Variants in UNC80 observed in about 807,000 individuals in gnomAD.
UNC80 encodes protein unc-80 homolog.
Under a neutral mutation model 384.6 loss-of-function variants are expected in UNC80, and 164 were observed. The observed-to-expected ratio is 0.43, with a 90% CI of 0.38 to 0.49. The LOEUF is 0.49. Among genes scored for constraint, UNC80 ranks in the 20% least tolerant of loss-of-function variants. The probability of loss-of-function intolerance (pLI) is 0.00; values close to 1 mark genes in which losing one functional copy is unlikely to be tolerated. For missense variants in UNC80, 3,330 were observed against 4,143.0 expected (o/e 0.80, Z 5.39); for synonymous variants, 1,486 against 1,527.8 (o/e 0.97, Z 0.64).
At chr2:209,942,709 A>AT (rs111313881) in intron 44 of UNC80, among the ~76,000 whole-genome samples, 47 of 149,284 alleles carry the variant, frequency 3.1e-4, no homozygotes, top group Admixed American at 8.0e-4. Flanking sequence ...TTTAGTAAGT[A>AT]TTTTTTTTTT....
At chr2:209,867,564 C>CT (rs1292228764) in intron 22 of UNC80, among the ~76,000 whole-genome samples, 1 of 152,096 alleles carries the variant, frequency 6.6e-6, no homozygotes, top group Admixed American at 6.5e-5. Flanking sequence ...AAACCAACTT[C>CT]TTTGGGGCAG....
intron 33 of UNC80, among the ~76,000 whole-genome samples, chr2:209,921,282 A>G (rs1407087627): frequency 6.6e-6 from 1 of 152,228 alleles, no homozygotes; most frequent in African/African-American, 2.4e-5. Context: ...TTATGTGTTC[A>G]TGAAGAATCA....
chr2:209,974,918 T>A (rs1575192208), intron 56 of UNC80, among the ~76,000 whole-genome samples: 1 of 152,144 alleles, frequency 6.6e-6, no homozygotes, highest in Non-Finnish European at 1.5e-5. Context: ...AAGAGGAGTG[T>A]TGTTTTTTAT....
chr2:209,846,569 T>A (rs937489295), intron 21 of UNC80, among the ~76,000 whole-genome samples: 3 of 152,014 alleles, frequency 2.0e-5, no homozygotes, highest in Non-Finnish European at 4.4e-5. Context: ...AAAAATAATA[T>A]TAAAAAACAA....
chr2:209,930,686 G>A (rs567027086), intron 37 of UNC80, among the ~76,000 whole-genome samples: 1 of 152,050 alleles, frequency 6.6e-6, no homozygotes, highest in South Asian at 2.1e-4. Flanking sequence ...CCTGTGACTT[G>A]CCTGTGACCT....
At position 209,993,312 on chromosome 2, in the gene UNC80, T is replaced by C. The variant is rs1187032321; in HGVS notation, c.9397-3T>C. 6.4e-7 allele frequency: 1 copy of C among 1,551,460 alleles called. No individual in the cohort carries two copies. Among genetic ancestry groups the C allele is most frequent in the Non-Finnish European group, 8.7e-7 (1 of 1,146,656 alleles). ...CAAGTTTTATTCTGCCTATTCTCTT[T>C]AGCTAAGACGTCCTCTACTATCACG... is the stretch of plus-strand genomic sequence containing the variant. On this transcript the variant is annotated splice_polypyrimidine_tract_variant and splice_region_variant and intron_variant, in intron 62 of 64. Coordinates refer to ENST00000673920, the MANE Select transcript of UNC80 (RefSeq NM_001371986.1).
rs73078952 is a variant in UNC80 at position 209,913,285 on chromosome 2, C to A, written c.4891-517C>A. Among the ~76,000 whole-genome samples, 440 of 152,100 alleles carry A rather than the reference C, an allele frequency of 2.9e-3. 1 individual carries two copies. Among genetic ancestry groups the A allele is most frequent in the African/African-American group, 0.01 (419 of 41,494 alleles). On this transcript the variant is annotated intron_variant, in intron 30 of 64. Transcript: ENST00000673920. ...CTTGTCTAGAACCTATATTTGTCAC[C>A]CAAATTGTCAGAAATAATGGATAAA...
At chr2:209,934,906 G>A (rs1358794109) in intron 39 of UNC80, among the ~76,000 whole-genome samples, 1 of 152,136 alleles carries the variant, frequency 6.6e-6, no homozygotes. Flanking sequence ...TTTTATTACA[G>A]CAAAGAAACT....
intron 40 of UNC80, 66 bp downstream of exon 40, chr2:209,935,874 A>C: frequency 1.0e-6 from 1 of 970,252 alleles, no homozygotes; most frequent in Non-Finnish European, 1.5e-6. Context: ...CTGAAGATCC[A>C]TTTTAGAATA....
chr2:209,854,870 C>T (rs11695433), intron 22 of UNC80, among the ~76,000 whole-genome samples: 26,720 of 152,112 alleles, frequency 0.18, 3,213 homozygotes, highest in African/African-American at 0.34. Flanking sequence ...AGTTCAACTA[C>T]TGTGGAAGAC....
intron 35 of UNC80, among the ~76,000 whole-genome samples, chr2:209,925,309 T>C (rs2090344313): frequency 6.6e-6 from 1 of 152,208 alleles, no homozygotes; most frequent in South Asian, 2.1e-4. Flanking sequence ...TACGAAGCTG[T>C]GTCCAGAATT....
chr2:209,784,527 A>G (rs1461778623), intron 4 of UNC80, among the ~76,000 whole-genome samples: 1 of 152,116 alleles, frequency 6.6e-6, no homozygotes, highest in Non-Finnish European at 1.5e-5. Flanking sequence ...AGGCACACTT[A>G]GGGCCTTTGT....
At chr2:209,815,446 G>T in intron 9 of UNC80, 55 bp downstream of exon 9, 1 of 1,522,378 alleles carries the variant, frequency 6.6e-7, no homozygotes, top group African/African-American at 1.4e-5. Context: ...AATGTCAGTG[G>T]GACATGAGAT....
chr2:209,927,777 T>G (rs2090551319), intron 36 of UNC80, among the ~76,000 whole-genome samples: 1 of 152,220 alleles, frequency 6.6e-6, no homozygotes, highest in Non-Finnish European at 1.5e-5. Flanking sequence ...GACACAGATT[T>G]GGCTTCTAGC....
chr2:209,798,865 T>C (rs1203918892), intron 7 of UNC80, among the ~76,000 whole-genome samples: 2 of 147,392 alleles, frequency 1.4e-5, no homozygotes, highest in Non-Finnish European at 3.0e-5. Context: ...TTTTTTTTCT[T>C]AGTAGAGACA....
At chr2:209,906,798 T>G (rs987056375) in intron 29 of UNC80, among the ~76,000 whole-genome samples, 4 of 152,210 alleles carry the variant, frequency 2.6e-5, no homozygotes, top group Non-Finnish European at 4.4e-5. Context: ...CAAACATAAA[T>G]GACACTGCAT....
chr2:209,814,207 T>A (rs2079563786), intron 8 of UNC80, among the ~76,000 whole-genome samples: 1 of 152,156 alleles, frequency 6.6e-6, no homozygotes, highest in Non-Finnish European at 1.5e-5. Flanking sequence ...AAACGTGATG[T>A]AACCTCTTTT....
intron 7 of UNC80, among the ~76,000 whole-genome samples, chr2:209,801,377 C>CTTTT (rs35079056): frequency 9.5e-4 from 63 of 65,980 alleles, no homozygotes; most frequent in African/African-American, 1.6e-3. Context: ...GCAACCCCTG[C>CTTTT]TTTTTTTTTT....
At chr2:209,847,703 T>C (rs946807925) in intron 21 of UNC80, among the ~76,000 whole-genome samples, 4 of 152,010 alleles carry the variant, frequency 2.6e-5, no homozygotes, top group Non-Finnish European at 5.9e-5. Context: ...TCTTGTCAAA[T>C]AAAAATTGAA....
Sources: allele counts gnomAD v4.1 joint callset (sites outside exome capture counted in the v4.1 genomes callset), GRCh38; gene constraint gnomAD v4.1.1; transcripts MANE v1.5; gene names NCBI Gene and HGNC (gene_info 2026-07-23, HGNC 2026-07-21).